Variants in TMPRSS15 observed in about 807,000 individuals in gnomAD.
The protein encoded by TMPRSS15 is enteropeptidase.
A neutral mutation model predicts 125.3 loss-of-function variants in TMPRSS15; 128 were observed. The ratio of observed to expected loss-of-function variants is 1.02; its 90% CI spans 0.89 to 1.18. TMPRSS15 has a LOEUF of 1.18. TMPRSS15 is among the 50% of genes most tolerant of loss of function. TMPRSS15 has a pLI of 0.00. For synonymous variants in TMPRSS15, 446 were observed against 423.2 expected (o/e 1.05, Z -0.66); for missense variants, 1,283 against 1,212.7 (o/e 1.06, Z -0.86).
chr21:18,367,789 GA>G (rs1601400112), intron 6 of TMPRSS15, among the ~76,000 whole-genome samples: 1 of 152,066 alleles, frequency 6.6e-6, no homozygotes, highest in South Asian at 2.1e-4. Context: ...TGTTATGGGG[GA>G]AACTGAGGCA....
intron 16 of TMPRSS15, among the ~76,000 whole-genome samples, chr21:18,323,066 T>C (rs2075255284): frequency 6.6e-6 from 1 of 152,168 alleles, no homozygotes; most frequent in Non-Finnish European, 1.5e-5. Flanking sequence ...ATGGAAGAGA[T>C]TTGTCTCTGT....
At chr21:18,417,944 C>T (rs1434503504) in intron 1 of TMPRSS15, among the ~76,000 whole-genome samples, 1 of 152,112 alleles carries the variant, frequency 6.6e-6, no homozygotes, top group Non-Finnish European at 1.5e-5. Flanking sequence ...GCCAGAAATG[C>T]TATATCTGTT....
intron 1 of TMPRSS15, among the ~76,000 whole-genome samples, chr21:18,417,117 A>G (rs1019594616): frequency 6.6e-6 from 1 of 152,156 alleles, no homozygotes; most frequent in Admixed American, 6.5e-5. Context: ...GCCAATTTTT[A>G]CATAAAAGGC....
intron 1 of TMPRSS15, among the ~76,000 whole-genome samples, chr21:18,459,926 G>A (rs1292474123): frequency 6.6e-6 from 1 of 152,096 alleles, no homozygotes; most frequent in African/African-American, 2.4e-5. Flanking sequence ...TTCTAGGAAT[G>A]TTGTTTGATG....
chr21:18,396,534 G>A (rs911112403), intron 3 of TMPRSS15, among the ~76,000 whole-genome samples: 3 of 152,008 alleles, frequency 2.0e-5, no homozygotes, highest in African/African-American at 7.2e-5. Flanking sequence ...CAGCACTTTG[G>A]GAGGCCGAGG....
At chr21:18,398,601 A>C (rs1056402926) in intron 1 of TMPRSS15, among the ~76,000 whole-genome samples, 1 of 152,056 alleles carries the variant, frequency 6.6e-6, no homozygotes, top group African/African-American at 2.4e-5. Flanking sequence ...CAAGCTTCCA[A>C]ATTTTCATTA....
In TMPRSS15 at chr21:18,269,834, G is replaced by A. The variant is rs1165295098; in HGVS notation, c.*135C>T. On this transcript the variant is annotated 3_prime_UTR_variant, in exon 25 of 25. Transcript: ENST00000284885. ...AAAATTTTGTTTCCCTGGCCCCCTA[G>A]CATTTCATTGACATAGGTAAGAATA... 9.3e-7 allele frequency: 1 copy of A among 1,071,538 alleles called. No homozygotes were observed. The highest frequency in any genetic ancestry group is 1.6e-5 in the African/African-American group (1 of 61,926). 66.4% of individuals were successfully genotyped at this position (1,071,538 alleles called of 1,614,324 possible).
chr21:18,383,148 G>GT (rs2075909169), intron 4 of TMPRSS15, among the ~76,000 whole-genome samples: 1 of 151,570 alleles, frequency 6.6e-6, no homozygotes, highest in Non-Finnish European at 1.5e-5. Flanking sequence ...CAAAGAATGC[G>GT]TAAGACCCAC....
At chr21:18,281,318 C>T in intron 21 of TMPRSS15, 97 bp from the exon 22 acceptor site, 4 of 1,024,274 alleles carry the variant, frequency 3.9e-6, no homozygotes, top group Non-Finnish European at 6.1e-6. Context: ...TGTTTCTATC[C>T]TGAAATGTTC....
intron 10 of TMPRSS15, among the ~76,000 whole-genome samples, chr21:18,350,109 C>G (rs1601373779): frequency 6.6e-6 from 1 of 151,872 alleles, no homozygotes; most frequent in East Asian, 1.9e-4. Context: ...AAAAAAAGAT[C>G]AGATTATTTG....
intron 21 of TMPRSS15, among the ~76,000 whole-genome samples, chr21:18,290,830 T>C (rs1015569866): frequency 5.4e-5 from 3 of 56,030 alleles, no homozygotes; most frequent in African/African-American, 1.4e-4. Flanking sequence ...TACTACGAAA[T>C]TGTTCAGAAA....
chr21:18,450,928 A>T (rs1049706480), intron 1 of TMPRSS15, among the ~76,000 whole-genome samples: 5 of 152,212 alleles, frequency 3.3e-5, no homozygotes, highest in African/African-American at 1.2e-4. Flanking sequence ...TTGGACATAC[A>T]TGATACATTC....
chr21:18,386,965 T>A (rs952566633), intron 3 of TMPRSS15, among the ~76,000 whole-genome samples: 1 of 152,216 alleles, frequency 6.6e-6, no homozygotes, highest in South Asian at 2.1e-4. Context: ...AAAACATTTT[T>A]CTTTGAAAGG....
intron 1 of TMPRSS15, among the ~76,000 whole-genome samples, chr21:18,402,420 T>C (rs961175220): frequency 6.7e-6 from 1 of 149,726 alleles, no homozygotes; most frequent in Admixed American, 6.8e-5. Context: ...TCCCAGCTAC[T>C]AGCAAGGCTG....
At chr21:18,340,870 A>G (rs1017160552) in intron 13 of TMPRSS15, among the ~76,000 whole-genome samples, 1 of 152,210 alleles carries the variant, frequency 6.6e-6, no homozygotes, top group African/African-American at 2.4e-5. Context: ...TAAGAAAGAT[A>G]CTAAAATGAT....
At chr21:18,280,886 C>A (rs1459266546) in intron 22 of TMPRSS15, among the ~76,000 whole-genome samples, 154 bp downstream of exon 22, 1 of 152,192 alleles carries the variant, frequency 6.6e-6, no homozygotes, top group African/African-American at 2.4e-5. Context: ...TAATATATTT[C>A]TCTCTACTCC....
At chr21:18,312,247 C>A (rs534172996) in intron 18 of TMPRSS15, among the ~76,000 whole-genome samples, 1 of 151,914 alleles carries the variant, frequency 6.6e-6, no homozygotes, top group South Asian at 2.1e-4. Flanking sequence ...TACTTAATTA[C>A]TTTTAAGACT....
At chr21:18,296,532 A>G (rs1601291591) in intron 19 of TMPRSS15, among the ~76,000 whole-genome samples, 1 of 152,242 alleles carries the variant, frequency 6.6e-6, no homozygotes, top group Non-Finnish European at 1.5e-5. Flanking sequence ...AGTGACGTCA[A>G]TGGAAAATGA....
intron 1 of TMPRSS15, among the ~76,000 whole-genome samples, chr21:18,433,848 T>C (rs2076222169): frequency 6.6e-6 from 1 of 152,086 alleles, no homozygotes; most frequent in South Asian, 2.1e-4. Flanking sequence ...TAAACTGTAA[T>C]TAACATTTTT....
Sources: gnomAD v4.1 joint callset for allele counts (sites outside exome capture counted in the v4.1 genomes callset) on GRCh38, gnomAD v4.1.1 for gene constraint, MANE v1.5 for transcripts, NCBI Gene and HGNC (gene_info 2026-07-23, HGNC 2026-07-21) for gene names.